The following PTPRM variants were observed in gnomAD, a reference collection of about 807,000 sequenced individuals.
PTPRM encodes the protein receptor-type tyrosine-protein phosphatase mu.
A neutral mutation model predicts 186.7 loss-of-function variants in PTPRM; 47 were observed. The ratio of observed to expected loss-of-function variants is 0.25; its 90% CI spans 0.20 to 0.32. The LOEUF is 0.32. PTPRM is among the 10% of genes least tolerant of loss of function. PTPRM has a pLI of 1.00. For missense variants in PTPRM, 1,494 were observed against 1,865.0 expected, an observed-to-expected ratio of 0.80 and a Z score of 3.66; for synonymous variants, 668 against 674.9, an observed-to-expected ratio of 0.99 and a Z score of 0.16.
chr18:8,167,372 C>A (rs2093338932), intron 14 of PTPRM, among the ~76,000 whole-genome samples: 1 of 152,204 alleles, frequency 6.6e-6, no homozygotes, highest in Non-Finnish European at 1.5e-5. Context: ...TCACAGGGGA[C>A]CAGGCTCCAC....
At chr18:7,759,684 C>T (rs1026511689) in intron 1 of PTPRM, among the ~76,000 whole-genome samples, 1 of 152,092 alleles carries the variant, frequency 6.6e-6, no homozygotes, top group African/African-American at 2.4e-5. Flanking sequence ...TTATGTGGCC[C>T]TGTGCACAAT....
chr18:7,644,834 T>C (rs2038524396), intron 1 of PTPRM, among the ~76,000 whole-genome samples: 1 of 152,158 alleles, frequency 6.6e-6, no homozygotes, highest in Non-Finnish European at 1.5e-5. Flanking sequence ...CAGTAGAAGA[T>C]GATATACGCT....
intron 14 of PTPRM, among the ~76,000 whole-genome samples, chr18:8,172,396 G>A (rs1244920999): frequency 6.6e-6 from 1 of 151,778 alleles, no homozygotes; most frequent in African/African-American, 2.4e-5. Flanking sequence ...TCAATGTACT[G>A]GGAAATTTAT....
At chr18:8,242,164 C>T (rs1261986127) in intron 14 of PTPRM, among the ~76,000 whole-genome samples, 2 of 152,132 alleles carry the variant, frequency 1.3e-5, no homozygotes, top group Non-Finnish European at 1.5e-5. Flanking sequence ...GTTCACAATG[C>T]TTCTCTTTAT....
intron 14 of PTPRM, among the ~76,000 whole-genome samples, chr18:8,185,385 C>G (rs113732589): frequency 0.056 from 8,577 of 152,260 alleles, 332 homozygotes; most frequent in Non-Finnish European, 0.086. Flanking sequence ...ATTCTACACG[C>G]GTAAACTGAG....
intron 14 of PTPRM, among the ~76,000 whole-genome samples, chr18:8,155,687 GA>G (rs1345823888): frequency 1.3e-5 from 2 of 152,140 alleles, no homozygotes; most frequent in Non-Finnish European, 2.9e-5. Context: ...AGATAAGAGG[GA>G]AAATTTGATG....
intron 5 of PTPRM, among the ~76,000 whole-genome samples, chr18:7,944,802 A>G (rs9944589): frequency 0.04 from 6,089 of 152,172 alleles, 403 homozygotes; most frequent in African/African-American, 0.14. Flanking sequence ...TTCCCTGCCT[A>G]AGAAACTTCT....
At chr18:8,089,957 A>G (rs1019501546) in intron 11 of PTPRM, among the ~76,000 whole-genome samples, 3 of 152,226 alleles carry the variant, frequency 2.0e-5, no homozygotes, top group Non-Finnish European at 2.9e-5. Flanking sequence ...ATACTGTAGA[A>G]TAATGCAACA....
At chr18:7,938,869 G>A (rs2051991543) in intron 5 of PTPRM, among the ~76,000 whole-genome samples, 1 of 152,096 alleles carries the variant, frequency 6.6e-6, no homozygotes, top group South Asian at 2.1e-4. Flanking sequence ...CCAACTTAAC[G>A]TGTGCTTGTC....
intron 20 of PTPRM, among the ~76,000 whole-genome samples, chr18:8,299,446 G>A (rs568461275): frequency 6.6e-5 from 10 of 152,032 alleles, no homozygotes; most frequent in Non-Finnish European, 1.2e-4. Context: ...AATTAGCTGG[G>A]CATGGTGGCA....
chr18:7,993,846 T>C (rs913357766), intron 7 of PTPRM, among the ~76,000 whole-genome samples: 11 of 152,058 alleles, frequency 7.2e-5, no homozygotes, highest in Admixed American at 4.6e-4. Flanking sequence ...GAAATGTTAT[T>C]ACTACAGAAA....
At chr18:7,683,412 A>T (rs978976648) in intron 1 of PTPRM, among the ~76,000 whole-genome samples, 2 of 152,072 alleles carry the variant, frequency 1.3e-5, no homozygotes, top group African/African-American at 4.8e-5. Flanking sequence ...GCTGGAAGGG[A>T]TCCTCCCACC....
chr18:7,751,599 G>A lies in PTPRM; in HGVS notation c.74-22550G>A, dbSNP rs562855401. The A allele has an allele frequency of 3.3e-5, 5 of 152,312 alleles. No individual in the cohort carries two copies. The South Asian group carries it at 1.0e-3, about 32-fold the overall frequency. 9.4% of individuals were successfully genotyped at this position (152,312 alleles called of 1,614,324 possible). On this transcript the variant is annotated intron_variant, in intron 1 of 32. Coordinates refer to ENST00000580170, the MANE Select transcript of PTPRM (RefSeq NM_001105244.2). ...GTCAAGTTTTTCATGTCCAAGTTGT[G>A]TGATTTGGGGTAGAAAACATATTCC...
At chr18:8,295,106 C>A (rs1601679177) in intron 19 of PTPRM, among the ~76,000 whole-genome samples, 1 of 152,302 alleles carries the variant, frequency 6.6e-6, no homozygotes, top group South Asian at 2.1e-4. Context: ...GAGACAGACA[C>A]AGAAACAACA....
At chr18:7,584,423 G>A (rs2036923692) in intron 1 of PTPRM, among the ~76,000 whole-genome samples, 1 of 152,186 alleles carries the variant, frequency 6.6e-6, no homozygotes, top group Admixed American at 6.5e-5. Flanking sequence ...CTGATGTCTG[G>A]TTCTGCTGCC....
intron 1 of PTPRM, among the ~76,000 whole-genome samples, chr18:7,724,792 G>C (rs2040513324): frequency 1.3e-5 from 2 of 152,196 alleles, no homozygotes; most frequent in Admixed American, 1.3e-4. Flanking sequence ...ACTTTAAAAT[G>C]TGTAGGGCAG....
At chr18:7,777,887 G>A (rs2042667947) in intron 2 of PTPRM, among the ~76,000 whole-genome samples, 1 of 152,128 alleles carries the variant, frequency 6.6e-6, no homozygotes, top group East Asian at 1.9e-4. Context: ...GGTGGCTCAT[G>A]CCTGTCATGC....
intron 2 of PTPRM, among the ~76,000 whole-genome samples, chr18:7,886,681 A>G (rs2048803570): frequency 6.6e-6 from 1 of 152,182 alleles, no homozygotes; most frequent in South Asian, 2.1e-4. Context: ...AACTCATCCT[A>G]AAACCTAGAT....
chr18:8,149,094 G>A (rs947120032), intron 14 of PTPRM, among the ~76,000 whole-genome samples: 2 of 152,160 alleles, frequency 1.3e-5, no homozygotes, highest in Non-Finnish European at 1.5e-5. Context: ...TTTAAAATAA[G>A]TGTGATGAGG....
Sources: allele counts gnomAD v4.1 joint callset (sites outside exome capture counted in the v4.1 genomes callset), GRCh38; gene constraint gnomAD v4.1.1; transcripts MANE v1.5; gene names NCBI Gene and HGNC (gene_info 2026-07-23, HGNC 2026-07-21).